PRRC2C: variants seen among roughly 807,000 people sequenced by gnomAD.
PRRC2C encodes the protein protein PRRC2C.
PRRC2C carries 72 observed loss-of-function variants against 317.2 expected under a neutral mutation model. That is an observed-to-expected ratio of 0.23 (90% CI 0.19 to 0.28). The LOEUF (loss-of-function observed/expected upper bound fraction) is 0.28, where lower values mean the gene tolerates loss of function less well. Ranked by LOEUF, PRRC2C falls within the 10% of genes least tolerant of loss-of-function variation. The pLI, the probability that PRRC2C is intolerant of heterozygous loss-of-function variation, is 1.00. For synonymous variants in PRRC2C, 1,296 were observed against 1,205.9 expected, an observed-to-expected ratio of 1.07 and a Z score of -1.55; for missense variants, 3,074 against 3,459.7, an observed-to-expected ratio of 0.89 and a Z score of 2.80.
intron 24 of PRRC2C, among the ~76,000 whole-genome samples, chr1:171,573,299 CA>C (rs1434992292): frequency 6.6e-6 from 1 of 152,160 alleles, no homozygotes; most frequent in African/African-American, 2.4e-5. Context: ...GGAATCAAGT[CA>C]AACTTGTGGC....
rs777218200 is a variant in PRRC2C at position 171,513,034 on chromosome 1, G to T, written c.152G>T (p.Gly51Val). 1 of 1,613,386 alleles carries T rather than the reference G, an allele frequency of 6.2e-7. No individual in the cohort carries two copies. The highest frequency in any genetic ancestry group is 8.5e-7 in the Non-Finnish European group (1 of 1,179,634). ...RHGLQSLGKV[G>V]ISRRMPPPAN... is the part of the protein sequence containing the mutation. ...GGATTACAGAGTCTTGGAAAAGTCG[G>T]TATTTCACGGCGTATGCCTCCACCT... The change falls in exon 3 of 35, where the codon GGT (glycine) becomes GTT (valine). Residue 51 changes from glycine (G) to valine (V), a missense_variant. By Grantham distance (109) the Gly-to-Val change is moderately radical. This residue lies in a region of PRRC2C where 71 missense variants were observed against 118.9 expected (regional missense o/e 0.60). Coordinates refer to ENST00000647382, the MANE Select transcript of PRRC2C (RefSeq NM_001387844.1).
At chr1:171,486,636 C>T (rs1044548683) in intron 1 of PRRC2C, among the ~76,000 whole-genome samples, 2 of 152,160 alleles carry the variant, frequency 1.3e-5, no homozygotes, top group South Asian at 4.1e-4. Flanking sequence ...TGGATTTCCG[C>T]ATTGGCTGGT....
chr1:171,535,763 G>T (rs1676705922), intron 13 of PRRC2C, among the ~76,000 whole-genome samples, 166 bp downstream of exon 13: 1 of 152,166 alleles, frequency 6.6e-6, no homozygotes. Context: ...TTGACCTTCT[G>T]TGTCATTCCT....
rs746478191 is a variant in PRRC2C, at chr1:171,527,847, A to G, written c.1254+3A>G. 1 of 1,574,338 alleles carries G rather than the reference A, an allele frequency of 6.4e-7. No individual in the cohort carries two copies. Among genetic ancestry groups the G allele is most frequent in the African/African-American group, 1.4e-5 (1 of 73,826 alleles). On this transcript the variant is annotated splice_donor_region_variant and intron_variant, in intron 11 of 34. Transcript: ENST00000647382. ...CTCCAAAGTTGCTTGCACAGCAGGTAAATTTTAAGTGCTTGTTTATGGATT... is the reference window on the plus strand; with the variant it reads ...CTCCAAAGTTGCTTGCACAGCAGGTGAATTTTAAGTGCTTGTTTATGGATT...
intron 1 of PRRC2C, among the ~76,000 whole-genome samples, chr1:171,491,274 A>G (rs1667093813): frequency 6.6e-6 from 1 of 152,214 alleles, no homozygotes; most frequent in Non-Finnish European, 1.5e-5. Flanking sequence ...CCTGTTTGCC[A>G]GTGAACAATC....
In PRRC2C at chr1:171,545,592, C is replaced by A; in HGVS notation, c.4877C>A (p.Ser1626Tyr). The A allele has an allele frequency of 1.9e-6, 3 of 1,610,742 alleles. No homozygotes were observed. In the South Asian group the frequency reaches 3.3e-5, roughly 18 times the overall value. Residue 1626 changes from serine to tyrosine, a missense_variant, in exon 17 of 35, where the codon TCT becomes TAT. By Grantham distance (144) the Ser-to-Tyr change is moderately radical. This residue lies in a region of PRRC2C where 178 missense variants were observed against 163.0 expected (regional missense o/e 1.09). Coordinates refer to ENST00000647382, the MANE Select transcript of PRRC2C (RefSeq NM_001387844.1). Reference sequence around the variant, plus strand: ...ACAGGACAAAAGAACTCCAAAGATTCTACTGGGAAAAAAAGAGAAGACCCC... The same window carrying A: ...ACAGGACAAAAGAACTCCAAAGATTATACTGGGAAAAAAAGAGAAGACCCC... ...NGTGQKNSKDSTGKKREDPKP... is the reference protein window; with the variant it reads ...NGTGQKNSKDYTGKKREDPKP...
Position 171,514,621 on chromosome 1 carries a change from A to G in PRRC2C, c.376A>G (p.Asn126Asp). The G allele has an allele frequency of 2.6e-6, 4 of 1,558,172 alleles. No individual in the cohort carries two copies. The highest frequency in any genetic ancestry group is 3.5e-6 in the Non-Finnish European group (4 of 1,150,968). The change falls in exon 4 of 35, where the codon AAC becomes GAC. Residue 126 changes from asparagine to aspartate, a missense_variant. By Grantham distance (23) the Asn-to-Asp change is conservative. Transcript: ENST00000647382. ...VAPAPKSWAS[N>D]KQGGQGDGIQ... ...ACCTGCTCCCAAATCATGGGCCAGTAACAAGCAAGGTGGGCAAGGAGATGG... is the reference window on the plus strand; with the variant it reads ...ACCTGCTCCCAAATCATGGGCCAGTGACAAGCAAGGTGGGCAAGGAGATGG...
intron 11 of PRRC2C, 92 bp downstream of exon 11, chr1:171,527,936 T>A (rs1476102210): frequency 9.6e-7 from 1 of 1,043,920 alleles, no homozygotes; most frequent in Non-Finnish European, 1.4e-6. Context: ...AAAACTTTTA[T>A]GAAACAGTTA....
chr1:171,561,129 G>A, intron 20 of PRRC2C, 26 bp downstream of exon 20: 2 of 1,538,626 alleles, frequency 1.3e-6, no homozygotes, highest in Non-Finnish European at 9.0e-7. Context: ...TAACAGCATA[G>A]GTGTGCTGGA....
Position 171,537,490 on chromosome 1 carries a change from A to G in PRRC2C, c.2504+17A>G, listed in dbSNP as rs373354997. 47 of 1,538,570 alleles carry G rather than the reference A, an allele frequency of 3.1e-5. 1 individual carries two copies. Among genetic ancestry groups the G allele is most frequent in the Admixed American group, 5.9e-5 (3 of 50,812 alleles). On this transcript the variant is annotated intron_variant, in intron 15 of 34. Coordinates refer to ENST00000647382, the MANE Select transcript of PRRC2C (RefSeq NM_001387844.1). Reference sequence around the variant, plus strand: ...GGATGTAAGGTAATAAATTATTTCAATTTAATAGATGATACAGAATATTTT... The same window carrying G: ...GGATGTAAGGTAATAAATTATTTCAGTTTAATAGATGATACAGAATATTTT...
chr1:171,522,358 C>A, intron 7 of PRRC2C, 99 bp downstream of exon 7: 2 of 748,268 alleles, frequency 2.7e-6, no homozygotes, highest in South Asian at 4.0e-5. Flanking sequence ...TGTAATTGAT[C>A]GTTTTCCTAT....
chr1:171,502,631 CA>C (rs1269176906), intron 1 of PRRC2C, among the ~76,000 whole-genome samples: 1 of 151,982 alleles, frequency 6.6e-6, no homozygotes, highest in Non-Finnish European at 1.5e-5. Context: ...TCTGAAACAC[CA>C]AAAAAGGCTT....
At chr1:171,509,335 G>A (rs1041979266) in intron 1 of PRRC2C, among the ~76,000 whole-genome samples, 5 of 152,152 alleles carry the variant, frequency 3.3e-5, no homozygotes, top group African/African-American at 1.2e-4. Context: ...AGGCAGTGTG[G>A]GGATATATTC....
intron 1 of PRRC2C, among the ~76,000 whole-genome samples, chr1:171,496,774 CGTGTGTGTGTGTGTGTGT>C (rs71688813): frequency 4.8e-5 from 7 of 146,782 alleles, no homozygotes; most frequent in East Asian, 4.0e-4. Flanking sequence ...ACATTTGGGG[CGTGTGTGTGTGTGTGTGT>C]GTGTGTGTGT....
At chr1:171,585,452 CA>C (rs10709544) in intron 30 of PRRC2C, among the ~76,000 whole-genome samples, 121,951 of 152,142 alleles carry the variant, frequency 0.8, 49,019 homozygotes, top group Middle Eastern at 0.89. Flanking sequence ...GGTGGGGGAA[CA>C]AAGTCATTAG....
At chr1:171,591,194 C>T (rs1651333954) in intron 34 of PRRC2C, 1 of 998,344 alleles carries the variant, frequency 1.0e-6, no homozygotes. Flanking sequence ...GACATTTGGT[C>T]CTAGGTGTTG....
intron 18 of PRRC2C, among the ~76,000 whole-genome samples, chr1:171,551,340 C>G (rs901681359): frequency 4.6e-5 from 7 of 152,000 alleles, no homozygotes; most frequent in African/African-American, 1.7e-4. Flanking sequence ...AATTTAAGTT[C>G]ATTGTAGATT....
chr1:171,555,764 C>T (rs1475444020), intron 18 of PRRC2C, among the ~76,000 whole-genome samples: 2 of 152,210 alleles, frequency 1.3e-5, no homozygotes, highest in Non-Finnish European at 1.5e-5. Flanking sequence ...AGGTCCACTG[C>T]CTGGGTATCA....
rs1369810095 is a variant in PRRC2C, at chr1:171,575,141, C to T, written c.6955+13C>T. ...GCATCACTATCAGGTAGAACTTTTT[C>T]GTTCTGTTTCTTTAAATATCTTACA... On this transcript the variant is annotated intron_variant, in intron 25 of 34. Coordinates refer to ENST00000647382, the MANE Select transcript of PRRC2C (RefSeq NM_001387844.1). The T allele has an allele frequency of 8.7e-6, 14 of 1,601,852 alleles. No individual in the cohort carries two copies. Among genetic ancestry groups the T allele is most frequent in the African/African-American group, 6.7e-5 (5 of 74,560 alleles).
Sources: gnomAD v4.1 joint callset for allele counts (sites outside exome capture counted in the v4.1 genomes callset) on GRCh38, gnomAD v4.1.1 for gene constraint, gnomAD v4.1.1 regional missense constraint, MANE v1.5 for transcripts, NCBI Gene and HGNC (gene_info 2026-07-23, HGNC 2026-07-21) for gene names.